The following GUCY2C variants were observed in gnomAD, a reference collection of about 807,000 sequenced individuals.
GUCY2C encodes the protein guanylyl cyclase C.
GUCY2C carries 118 observed loss-of-function variants against 131.1 expected under a neutral mutation model. That is an observed-to-expected ratio of 0.90 (90% CI 0.78 to 1.05). The LOEUF (loss-of-function observed/expected upper bound fraction) is 1.05, where lower values mean the gene tolerates loss of function less well. GUCY2C is among the 50% of genes least tolerant of loss of function. The probability of loss-of-function intolerance (pLI) is 0.00; values close to 1 mark genes in which losing one functional copy is unlikely to be tolerated. For missense variants in GUCY2C, 1,161 were observed against 1,304.4 expected (o/e 0.89, Z 1.69); for synonymous variants, 452 against 457.8 (o/e 0.99, Z 0.16).
chr12:14,659,832 T>A (rs1416704232), intron 11 of GUCY2C, among the ~76,000 whole-genome samples: 1 of 152,230 alleles, frequency 6.6e-6, no homozygotes, highest in Admixed American at 6.5e-5. Flanking sequence ...CTCATGGGCA[T>A]AGCATTGCAC....
intron 11 of GUCY2C, among the ~76,000 whole-genome samples, chr12:14,657,771 T>G (rs1021643681): frequency 4.6e-5 from 7 of 151,950 alleles, no homozygotes; most frequent in Admixed American, 1.3e-4. Context: ...CCCCCAAAAA[T>G]TGTTTTCCAT....
chr12:14,690,648 T>C (rs111819948), intron 1 of GUCY2C, among the ~76,000 whole-genome samples: 4,618 of 152,212 alleles, frequency 0.03, 244 homozygotes, highest in African/African-American at 0.1. Flanking sequence ...TTCATGCCAT[T>C]CTCCTGCCTC....
At chr12:14,683,671 C>A (rs554816757) in intron 3 of GUCY2C, among the ~76,000 whole-genome samples, 5 of 152,258 alleles carry the variant, frequency 3.3e-5, no homozygotes, top group Admixed American at 1.3e-4. Context: ...ACCTCGGTAT[C>A]TCCAGTCATC....
Position 14,656,756 on chromosome 12 carries a change from A to G in GUCY2C, c.1365-139T>C, listed in dbSNP as rs372181734. 44 of 494,010 alleles carry G rather than the reference A, an allele frequency of 8.9e-5. No homozygotes were observed. In the East Asian group the frequency reaches 1.1e-3, roughly 12 times the overall value. The allele number at this position is 494,010 out of a possible 1,614,324, so 30.6% of individuals were successfully genotyped here. ...GAAGGTAGCCCAATGACAGAACACC[A>G]TGTCCTCCAAACTGAAAAGCGCTTA... On this transcript the variant is annotated intron_variant, in intron 11 of 26. Transcript: ENST00000261170.
At chr12:14,675,248 A>C (rs1186517359) in intron 7 of GUCY2C, among the ~76,000 whole-genome samples, 2 of 143,978 alleles carry the variant, frequency 1.4e-5, no homozygotes, top group African/African-American at 5.2e-5. Context: ...GAAAGAAAGA[A>C]AGAAAAAAAA....
chr12:14,643,462 T>C (rs1947450306), intron 17 of GUCY2C, 112 bp downstream of exon 17: 2 of 882,272 alleles, frequency 2.3e-6, no homozygotes, highest in African/African-American at 1.7e-5. Flanking sequence ...TGTTGTCTCT[T>C]GTGGCTTTAA....
intron 22 of GUCY2C, 75 bp from the exon 23 acceptor site, chr12:14,621,291 ATGTC>A: frequency 2.4e-6 from 3 of 1,272,818 alleles, no homozygotes; most frequent in Admixed American, 3.8e-5. Flanking sequence ...AGTTAATCAC[ATGTC>A]AAACACAAAA....
chr12:14,629,058 T>C (rs1947087833), intron 19 of GUCY2C, among the ~76,000 whole-genome samples: 1 of 152,104 alleles, frequency 6.6e-6, no homozygotes, highest in Admixed American at 6.6e-5. Context: ...ATAGTGAAGG[T>C]GTGGCAGGCC....
At position 14,669,830 on chromosome 12, in the gene GUCY2C, T is replaced by G. The variant is rs781555447; in HGVS notation, c.1174A>C (p.Lys392Gln). The G allele has an allele frequency of 2.1e-6, 3 of 1,447,818 alleles. No homozygotes were observed. The highest frequency in any genetic ancestry group is 2.9e-6 in the Non-Finnish European group (3 of 1,041,840). 89.7% of individuals were successfully genotyped at this position (1,447,818 alleles called of 1,614,324 possible). Reference protein sequence around the residue: ...LYTSVDTKKYKVLLTYDTHVN... With the variant: ...LYTSVDTKKYQVLLTYDTHVN... ...TGGGTATCATAGGTCAAAAGAACCT[T>G]GTACTGTGTCAGGGCACAAAAAAGA... Residue 392 changes from lysine (K) to glutamine (Q), a missense_variant, in exon 10 of 27, where the codon AAG (lysine) becomes CAG (glutamine). Transcript: ENST00000261170.
At chr12:14,683,886 T>C (rs1408962715) in intron 3 of GUCY2C, among the ~76,000 whole-genome samples, 1 of 152,212 alleles carries the variant, frequency 6.6e-6, no homozygotes, top group African/African-American at 2.4e-5. Context: ...TTTTCATTTA[T>C]TTTAGTGTTT....
chr12:14,615,840 C>T (rs369578276), intron 25 of GUCY2C, among the ~76,000 whole-genome samples: 3 of 151,982 alleles, frequency 2.0e-5, no homozygotes, highest in African/African-American at 7.2e-5. Context: ...AAGGTGCAAT[C>T]CAAATGTAAA....
At chr12:14,625,948 T>C in intron 20 of GUCY2C, 33 bp from the exon 21 acceptor site, 1 of 1,276,666 alleles carries the variant, frequency 7.8e-7, no homozygotes, top group South Asian at 1.2e-5. Context: ...AGCTCTTATA[T>C]ATTATTAAGA....
chr12:14,620,235 G>A (rs1322354097), intron 23 of GUCY2C, among the ~76,000 whole-genome samples: 5 of 152,146 alleles, frequency 3.3e-5, no homozygotes, highest in Non-Finnish European at 7.3e-5. Flanking sequence ...CCTAACTAGG[G>A]TATACTTACG....
At chr12:14,662,712 T>C (rs1426428022) in intron 10 of GUCY2C, among the ~76,000 whole-genome samples, 1 of 150,876 alleles carries the variant, frequency 6.6e-6, no homozygotes, top group African/African-American at 2.4e-5. Context: ...GTTATCACGG[T>C]ATACAATTTA....
At chr12:14,691,208 T>G (rs80089349) in intron 1 of GUCY2C, among the ~76,000 whole-genome samples, 4,623 of 152,258 alleles carry the variant, frequency 0.03, 246 homozygotes, top group African/African-American at 0.1. Flanking sequence ...TTCAGTAAGA[T>G]AGCTGATTGA....
rs201882431 is a variant in GUCY2C at position 14,681,453 on chromosome 12, G to A, written c.636C>T (p.Ser212=). The A allele has an allele frequency of 2.1e-4, 345 of 1,610,306 alleles. No individual in the cohort carries two copies. Among genetic ancestry groups the A allele is most frequent in the South Asian group, 5.9e-4 (54 of 90,874 alleles). The change falls in exon 5 of 27, where the codon AGC becomes AGT. Residue 212 remains serine, a synonymous_variant. Coordinates refer to ENST00000261170, the MANE Select transcript of GUCY2C (RefSeq NM_004963.4). The stretch of plus-strand genomic sequence containing the variant: ...CGAGTTCGTGGGAGAAATAGGAAAC[G>A]CTAGCCTCCAGAGCATTAAGGTACC... ...CFWYLNALEA[S]VSYFSHELGF...
chr12:14,666,718 C>T (rs1947988513), intron 10 of GUCY2C, among the ~76,000 whole-genome samples: 1 of 132,124 alleles, frequency 7.6e-6, no homozygotes. Flanking sequence ...CTGGGTGATA[C>T]AGCCAGACAA....
At chr12:14,671,385 G>C (rs1218440645) in intron 9 of GUCY2C, among the ~76,000 whole-genome samples, 1 of 152,088 alleles carries the variant, frequency 6.6e-6, no homozygotes, top group Admixed American at 6.5e-5. Flanking sequence ...TGATCCGCCT[G>C]CCTCGGCCTC....
chr12:14,657,463 T>C (rs907596150), intron 11 of GUCY2C, among the ~76,000 whole-genome samples: 2 of 151,582 alleles, frequency 1.3e-5, no homozygotes, highest in African/African-American at 4.9e-5. Context: ...CTTCAGATAG[T>C]ATCGGTCCCC....
Sources: gnomAD v4.1 joint callset for allele counts (sites outside exome capture counted in the v4.1 genomes callset) on GRCh38, gnomAD v4.1.1 for gene constraint, MANE v1.5 for transcripts, NCBI Gene and HGNC (gene_info 2026-07-23, HGNC 2026-07-21) for gene names.